Variants in NFIB observed in about 807,000 individuals in gnomAD.
NFIB encodes the protein nuclear factor I B.
In NFIB, 11 loss-of-function variants were observed where a neutral mutation model predicts 61.5. The ratio of observed to expected loss-of-function variants is 0.18; its 90% CI spans 0.11 to 0.30. NFIB has a LOEUF of 0.30. Ranked by LOEUF, NFIB falls within the 10% of genes least tolerant of loss-of-function variation. NFIB has a pLI of 1.00. For synonymous variants in NFIB, 260 were observed against 216.5 expected (o/e 1.20, Z -1.76); for missense variants, 471 against 608.9 (o/e 0.77, Z 2.38).
rs1432635137 is a variant in NFIB at position 14,313,243 on chromosome 9, C to T, written c.30+239G>A. On this transcript the variant is annotated intron_variant, in intron 1 of 10. Coordinates refer to ENST00000380953, the MANE Select transcript of NFIB (RefSeq NM_001190737.2). This position sits in a 1 kb window ranked among gnomAD's most constrained non-coding sequence, Gnocchi z 4.5. Reference sequence around the variant, plus strand: ...CCCTGCCCACCCCCCGGCGGCCTTGCCCGGCCCAGCGCCCGCGCTCCGTGC... The same window carrying T: ...CCCTGCCCACCCCCCGGCGGCCTTGTCCGGCCCAGCGCCCGCGCTCCGTGC... Among the ~76,000 whole-genome samples, 3 of 151,546 alleles carry T rather than the reference C, an allele frequency of 2.0e-5. No individual in the cohort carries two copies. The highest frequency in any genetic ancestry group is 7.3e-5 in the African/African-American group (3 of 41,354).
chr9:14,356,432 GGCTAAGTTTA>G, intron 1 of NFIB, among the ~76,000 whole-genome samples: 1 of 152,226 alleles, frequency 6.6e-6, no homozygotes, highest in Middle Eastern at 3.4e-3. Context: ...TGGGGTTGAG[GGCTAAGTTTA>G]GCCCTGCATG....
chr9:14,128,869 C>A lies in NFIB; in HGVS notation c.926-3103G>T, dbSNP rs191276477. 1.1e-3 allele frequency among the ~76,000 whole-genome samples: 162 copies of A among 152,032 alleles called. 1 individual carries two copies. The highest frequency in any genetic ancestry group is 3.7e-3 in the African/African-American group (154 of 41,456). On this transcript the variant is annotated intron_variant, in intron 6 of 10. Transcript: ENST00000380953. ...CATGGGTCTCCTTTTGTAAAGGGCA[C>A]ATAAATCAAGGGTGTTTATATAGAA...
At chr9:14,109,389 C>G (rs1193146752) in intron 10 of NFIB, among the ~76,000 whole-genome samples, 23 of 151,962 alleles carry the variant, frequency 1.5e-4, no homozygotes, top group Non-Finnish European at 1.2e-4. Context: ...TACTGAACTT[C>G]TATGAAGTTA....
the NFIB span, among the ~76,000 whole-genome samples, chr9:14,416,632 T>G: frequency 1.3e-5 from 2 of 152,122 alleles, no homozygotes; most frequent in African/African-American, 4.8e-5. Context: ...ACTAAACGGT[T>G]AACAAGTTAA....
intron 1 of NFIB, among the ~76,000 whole-genome samples, chr9:14,349,843 C>T (rs781148745): frequency 3.3e-5 from 5 of 152,170 alleles, no homozygotes; most frequent in African/African-American, 1.2e-4. Flanking sequence ...GAACGCTTCC[C>T]GCGCGGCAGT....
At chr9:14,113,424 T>C (rs1284971572) in intron 9 of NFIB, among the ~76,000 whole-genome samples, 5 of 152,188 alleles carry the variant, frequency 3.3e-5, no homozygotes, top group South Asian at 4.1e-4. Context: ...TTTCACCAGA[T>C]AGTAGTTGTC....
At chr9:14,252,795 A>C (rs1403058264) in intron 2 of NFIB, among the ~76,000 whole-genome samples, 1 of 89,870 alleles carries the variant, frequency 1.1e-5, no homozygotes, top group Non-Finnish European at 2.2e-5. Flanking sequence ...TTTGTGGAGG[A>C]AAAAAAAATA....
intron 1 of NFIB, among the ~76,000 whole-genome samples, chr9:14,389,650 C>G (rs190169627): frequency 6.6e-6 from 1 of 152,250 alleles, no homozygotes; most frequent in East Asian, 1.9e-4. Context: ...GTTACTCTTT[C>G]CCTGCCATAC....
intron 2 of NFIB, among the ~76,000 whole-genome samples, chr9:14,221,592 A>G (rs2382444): frequency 0.54 from 82,377 of 151,966 alleles, 22,987 homozygotes; most frequent in Non-Finnish European, 0.58. Flanking sequence ...TGACTCCCCA[A>G]TTTTGCACAG....
intron 1 of NFIB, among the ~76,000 whole-genome samples, chr9:14,330,807 G>T (rs2060812320): frequency 6.6e-6 from 1 of 152,106 alleles, no homozygotes; most frequent in South Asian, 2.1e-4. Flanking sequence ...CTCTCTTGGT[G>T]GGTGAAGAAG....
chr9:14,189,472 G>C (rs1417272689), intron 2 of NFIB, among the ~76,000 whole-genome samples: 1 of 151,914 alleles, frequency 6.6e-6, no homozygotes, highest in Admixed American at 6.6e-5. Flanking sequence ...AAAGGAATTA[G>C]AAATACTAGG....
the NFIB span, among the ~76,000 whole-genome samples, chr9:14,406,648 T>C: frequency 6.6e-6 from 1 of 152,150 alleles, no homozygotes; most frequent in Admixed American, 6.6e-5. Context: ...TCCTCTCTCA[T>C]AGCTAGGTGT....
At chr9:14,125,491 T>C (rs773432710) in intron 7 of NFIB, 141 bp downstream of exon 7, 21 of 1,193,486 alleles carry the variant, frequency 1.8e-5, no homozygotes, top group Non-Finnish European at 2.3e-5. Context: ...AAAAAATACT[T>C]GATCGGATTG....
rs923531251 is a variant in NFIB at position 14,339,249 on chromosome 9, A to G, written c.109-31729T>C. Among the ~76,000 whole-genome samples, 6 of 152,210 alleles carry G rather than the reference A, an allele frequency of 3.9e-5. No homozygotes were observed. The East Asian group carries it at 1.2e-3, about 29-fold the overall frequency. On this transcript the variant is annotated intron_variant, in intron 1 of 8. Coordinates refer to the NFIB transcript ENST00000380934. ...CTGTCTGACCTATTGTAAGCACTCA[A>G]AAATGTTGGCTATTATTACTATTAT...
chr9:14,173,004 G>C (rs1298369260), intron 3 of NFIB, among the ~76,000 whole-genome samples: 2 of 152,110 alleles, frequency 1.3e-5, no homozygotes, highest in South Asian at 2.1e-4. Context: ...TCCTGACCTT[G>C]TGATCTGCCC....
chr9:14,149,341 T>A (rs191814833), intron 5 of NFIB, among the ~76,000 whole-genome samples: 1 of 152,124 alleles, frequency 6.6e-6, no homozygotes, highest in South Asian at 2.1e-4. Context: ...TTTTAAAAAG[T>A]TGACATTGTA....
intron 1 of NFIB, among the ~76,000 whole-genome samples, chr9:14,355,841 C>T (rs927834461): frequency 2.0e-5 from 3 of 152,122 alleles, no homozygotes; most frequent in Non-Finnish European, 4.4e-5. Flanking sequence ...CCTGTAGTCC[C>T]AGCTACTCCG....
intron 2 of NFIB, among the ~76,000 whole-genome samples, chr9:14,299,544 T>C (rs1023625478): frequency 6.6e-6 from 1 of 152,238 alleles, no homozygotes; most frequent in Non-Finnish European, 1.5e-5. Context: ...CGCACTTGTT[T>C]AAACAAATTC....
the NFIB span, among the ~76,000 whole-genome samples, chr9:14,525,027 C>T: frequency 2.6e-5 from 4 of 152,156 alleles, no homozygotes; most frequent in African/African-American, 9.7e-5. Context: ...CAAAAAATTT[C>T]CCCCAGATGG....
Sources: gnomAD v4.1 joint callset for allele counts (sites outside exome capture counted in the v4.1 genomes callset) on GRCh38, gnomAD v4.1.1 for gene constraint, Gnocchi (gnomAD v3.1) non-coding constraint, MANE v1.5 for transcripts, NCBI Gene and HGNC (gene_info 2026-07-23, HGNC 2026-07-21) for gene names.